The following VWA8 variants were observed in gnomAD, a reference collection of about 807,000 sequenced individuals.
VWA8 encodes the protein von Willebrand factor A domain containing 8.
In VWA8, 221 loss-of-function variants were observed where a neutral mutation model predicts 241.5. The observed-to-expected ratio is 0.91, with a 90% CI of 0.82 to 1.02. The LOEUF is 1.02. Ranked by LOEUF, VWA8 falls within the 50% of genes least tolerant of loss-of-function variation. VWA8 has a pLI of 0.00. For synonymous variants in VWA8, 852 were observed against 827.1 expected, an observed-to-expected ratio of 1.03 and a Z score of -0.52; for missense variants, 2,322 against 2,328.7, an observed-to-expected ratio of 1.00 and a Z score of 0.06.
chr13:41,726,306 T>G (rs1221533305), intron 24 of VWA8, among the ~76,000 whole-genome samples: 1 of 152,222 alleles, frequency 6.6e-6, no homozygotes, highest in African/African-American at 2.4e-5. Flanking sequence ...ACTTAAACAT[T>G]GTATAGGTAA....
chr13:41,621,021 G>C (rs900522536), intron 37 of VWA8, among the ~76,000 whole-genome samples: 1 of 152,000 alleles, frequency 6.6e-6, no homozygotes, highest in African/African-American at 2.4e-5. Context: ...TTAAAACCAG[G>C]TACAATTATA....
chr13:41,790,810 A>T (rs1389274214), intron 17 of VWA8, among the ~76,000 whole-genome samples: 1 of 151,978 alleles, frequency 6.6e-6, no homozygotes, highest in Non-Finnish European at 1.5e-5. Context: ...TTATGCATCA[A>T]GCTCTGAATT....
At position 41,721,516 on chromosome 13, in the gene VWA8, G is replaced by T; in HGVS notation, c.2818C>A (p.Leu940Ile). Residue 940 changes from leucine to isoleucine, a missense_variant, in exon 25 of 45, where the codon CTC (leucine) becomes ATC (isoleucine). Coordinates refer to ENST00000379310, the MANE Select transcript of VWA8 (RefSeq NM_015058.2). ...NPKPHSELEM[L>I]RQYGPNVPEP... The stretch of plus-strand genomic sequence containing the variant: ...GGCACATTTGGTCCATACTGTCTGA[G>T]CATCTCGAGCTCCGAGTGGGGTTTG... 5.0e-6 allele frequency: 8 copies of T among 1,613,836 alleles called. No homozygotes were observed. Among genetic ancestry groups the T allele is most frequent in the Non-Finnish European group, 6.8e-6 (8 of 1,179,828 alleles).
chr13:41,687,053 C>G (rs1358971924), intron 34 of VWA8, among the ~76,000 whole-genome samples: 4 of 152,112 alleles, frequency 2.6e-5, no homozygotes, highest in African/African-American at 7.2e-5. Flanking sequence ...TATTTGCCTT[C>G]TGACTGTTAA....
rs531067693 is a variant in VWA8 at position 41,701,714 on chromosome 13, A to G, written c.3226-184T>C. Among the ~76,000 whole-genome samples, 239 of 152,354 alleles carry G rather than the reference A, an allele frequency of 1.6e-3. 1 individual carries two copies. The highest frequency in any genetic ancestry group is 5.4e-3 in the African/African-American group (225 of 41,596). ...TAGTATCACACACTTGCACTTATAA[A>G]TGCTTTCACATGTGCTATCTTATTT... On this transcript the variant is annotated intron_variant, in intron 27 of 44. Transcript: ENST00000379310.
chr13:41,747,781 T>A (rs1386971558), intron 21 of VWA8, among the ~76,000 whole-genome samples: 1 of 152,198 alleles, frequency 6.6e-6, no homozygotes, highest in Non-Finnish European at 1.5e-5. Flanking sequence ...CATCAATACC[T>A]AATTTATTGA....
chr13:41,777,687 A>T (rs1868669418), intron 20 of VWA8, among the ~76,000 whole-genome samples: 1 of 152,198 alleles, frequency 6.6e-6, no homozygotes, highest in Admixed American at 6.5e-5. Flanking sequence ...CTATCATAGG[A>T]AACTACTGCT....
chr13:41,917,466 G>A (rs1176915378), intron 2 of VWA8, among the ~76,000 whole-genome samples: 2 of 152,072 alleles, frequency 1.3e-5, no homozygotes, highest in East Asian at 3.8e-4. Flanking sequence ...TACATGTGCA[G>A]AACACGCAGA....
chr13:41,684,302 C>G (rs1382384948), intron 35 of VWA8, among the ~76,000 whole-genome samples: 1 of 151,582 alleles, frequency 6.6e-6, no homozygotes, highest in African/African-American at 2.4e-5. Context: ...CACACTAATA[C>G]AATGCATATA....
intron 25 of VWA8, among the ~76,000 whole-genome samples, chr13:41,720,309 G>C (rs1670760226): frequency 6.6e-6 from 1 of 152,054 alleles, no homozygotes; most frequent in South Asian, 2.1e-4. Context: ...GGTCTGCTTT[G>C]ATTTTCTTTA....
chr13:41,574,524 T>C (rs1255895150), intron 43 of VWA8, among the ~76,000 whole-genome samples: 1 of 152,166 alleles, frequency 6.6e-6, no homozygotes, highest in South Asian at 2.1e-4. Context: ...TTCAGTGTAA[T>C]TCCCATCAAA....
At chr13:41,918,458 T>C (rs923874872) in intron 2 of VWA8, among the ~76,000 whole-genome samples, 2 of 152,116 alleles carry the variant, frequency 1.3e-5, no homozygotes, top group African/African-American at 2.4e-5. Context: ...AAAATAAGAG[T>C]ATACATGTAT....
rs144473821 is a variant in VWA8 at position 41,666,203 on chromosome 13, C to T, written c.4611+4743G>A. Among the ~76,000 whole-genome samples the T allele has an allele frequency of 2.9e-3, 440 of 152,204 alleles. 3 individuals carry two copies. The highest frequency in any genetic ancestry group is 0.01 in the African/African-American group (420 of 41,532). ...GAAAGGAGGCCCATATGCATGAACC[C>T]AGGAGTGCTATCTTACTTCAGGGCA... On this transcript the variant is annotated intron_variant, in intron 37 of 44. Transcript: ENST00000379310.
intron 4 of VWA8, 47 bp downstream of exon 4, chr13:41,907,539 A>G (rs1390327788): frequency 6.5e-7 from 1 of 1,533,724 alleles, no homozygotes; most frequent in Non-Finnish European, 9.0e-7. Context: ...TCAATCTTGT[A>G]TAGACCTGGA....
At chr13:41,936,433 T>A (rs1877354337) in intron 2 of VWA8, among the ~76,000 whole-genome samples, 1 of 152,194 alleles carries the variant, frequency 6.6e-6, no homozygotes, top group Non-Finnish European at 1.5e-5. Flanking sequence ...AGTGAGTTAT[T>A]TCTCTATCAT....
intron 24 of VWA8, among the ~76,000 whole-genome samples, chr13:41,724,931 C>T (rs901189064): frequency 6.6e-6 from 1 of 152,094 alleles, no homozygotes; most frequent in African/African-American, 2.4e-5. Context: ...TACCGAAGCA[C>T]GGTGTGACTG....
intron 43 of VWA8, 45 bp from the exon 44 acceptor site, chr13:41,570,751 C>CT (rs752189739): frequency 6.5e-7 from 1 of 1,546,918 alleles, no homozygotes. Flanking sequence ...TGAGAAACTT[C>CT]TTTTTTAACA....
At chr13:41,945,280 T>TA (rs201441109) in intron 2 of VWA8, among the ~76,000 whole-genome samples, 3,008 of 141,320 alleles carry the variant, frequency 0.021, 31 homozygotes, top group East Asian at 0.061. Context: ...GGAACATCAC[T>TA]AAAAAAAAAA....
chr13:41,861,333 G>A (rs1872996896), intron 12 of VWA8, among the ~76,000 whole-genome samples: 2 of 152,054 alleles, frequency 1.3e-5, no homozygotes, highest in South Asian at 4.1e-4. Flanking sequence ...CATGGGTAAG[G>A]ACCATAGCCA....
Sources: allele counts gnomAD v4.1 joint callset (sites outside exome capture counted in the v4.1 genomes callset), GRCh38; gene constraint gnomAD v4.1.1; transcripts MANE v1.5; gene names NCBI Gene and HGNC (gene_info 2026-07-23, HGNC 2026-07-21).